The following ZFAT variants were observed in gnomAD, a reference collection of about 807,000 sequenced individuals.
ZFAT encodes the protein zinc finger and AT-hook domain containing.
Under a neutral mutation model 117.7 loss-of-function variants are expected in ZFAT, and 64 were observed. That is an observed-to-expected ratio of 0.54 (90% confidence interval 0.44 to 0.67). The LOEUF (loss-of-function observed/expected upper bound fraction) is 0.67, where lower values mean the gene tolerates loss of function less well. Among genes scored for constraint, ZFAT ranks in the 30% least tolerant of loss-of-function variants. The pLI is 0.00. For missense variants in ZFAT, 1,433 were observed against 1,584.5 expected (o/e 0.90, Z 1.62); for synonymous variants, 679 against 615.0 (o/e 1.10, Z -1.54).
chr8:134,825,864 C>CA, the ZFAT span, among the ~76,000 whole-genome samples: 1 of 151,882 alleles, frequency 6.6e-6, no homozygotes, highest in East Asian at 1.9e-4. Flanking sequence ...ACTAAAAATA[C>CA]AAAAAAATTA....
Position 134,644,953 on chromosome 8 carries a change from T to C in ZFAT, c.197-7241A>G, listed in dbSNP as rs1830795859. On this transcript the variant is annotated intron_variant, in intron 2 of 15. Transcript: ENST00000377838. ...CCCATATACACACATACCTGTGTAC[T>C]CACAAACACACCCATACACATACAC... 2.0e-5 allele frequency among the ~76,000 whole-genome samples: 3 copies of C among 151,964 alleles called. No homozygotes were observed. In the South Asian group the frequency reaches 6.2e-4, roughly 32 times the overall value.
At chr8:134,817,394 TACACACACACACAC>T in the ZFAT span, among the ~76,000 whole-genome samples, 10 of 126,072 alleles carry the variant, frequency 7.9e-5, no homozygotes, top group African/African-American at 1.2e-4. Flanking sequence ...TCTCTCTCTC[TACACACACACACAC>T]ACACACACAC....
At chr8:134,509,475 T>C in intron 15 of ZFAT, 144 bp downstream of exon 15, 1 of 1,084,018 alleles carries the variant, frequency 9.2e-7, no homozygotes, top group South Asian at 1.6e-5. Flanking sequence ...AGATCAGAGG[T>C]AGAATAAGAA....
chr8:134,562,159 A>C lies in ZFAT; in HGVS notation c.2976+3174T>G, dbSNP rs1417615113. ...AGAGATGCCATATTTCTGGCCATGA[A>C]GATGAAGGGAGTGGCCATGAGCCAA... On this transcript the variant is annotated intron_variant, in intron 11 of 15. Transcript: ENST00000377838. Among the ~76,000 whole-genome samples, 2 of 152,184 alleles carry C rather than the reference A, an allele frequency of 1.3e-5. 1 individual carries two copies. The highest frequency in any genetic ancestry group is 4.1e-4 in the South Asian group (2 of 4,824).
intron 15 of ZFAT, among the ~76,000 whole-genome samples, chr8:134,483,749 C>A (rs113153784): frequency 6.6e-6 from 1 of 152,200 alleles, no homozygotes; most frequent in Non-Finnish European, 1.5e-5. Context: ...TCTGCTGTTC[C>A]GCTGTCTCCA....
chr8:134,774,343 G>A, the ZFAT span, among the ~76,000 whole-genome samples: 5 of 152,096 alleles, frequency 3.3e-5, no homozygotes, highest in South Asian at 2.1e-4. Context: ...AAATGGTATC[G>A]AGTGGCATCC....
chr8:134,605,439 G>A (rs893409868), intron 5 of ZFAT, among the ~76,000 whole-genome samples: 12 of 151,946 alleles, frequency 7.9e-5, no homozygotes, highest in South Asian at 4.2e-4. Flanking sequence ...CCAGCTACTC[G>A]GGAGGCTGAG....
At chr8:134,705,379 T>G (rs1586974849) in intron 1 of ZFAT, among the ~76,000 whole-genome samples, 1 of 148,226 alleles carries the variant, frequency 6.7e-6, no homozygotes, top group Non-Finnish European at 1.5e-5. Context: ...TTTTTTTTGT[T>G]TTTTTTTTTT....
At chr8:134,662,419 G>A (rs1169334517) in intron 1 of ZFAT, among the ~76,000 whole-genome samples, 1 of 152,144 alleles carries the variant, frequency 6.6e-6, no homozygotes. Context: ...GGTTGCTCCT[G>A]AAAAATGCAG....
chr8:134,514,141 C>T (rs1301030339), intron 13 of ZFAT, among the ~76,000 whole-genome samples: 1 of 152,206 alleles, frequency 6.6e-6, no homozygotes, highest in African/African-American at 2.4e-5. Context: ...CTTGTTACTC[C>T]ACTGGTGACC....
chr8:134,692,963 C>A (rs984743417), intron 1 of ZFAT, among the ~76,000 whole-genome samples: 1 of 152,318 alleles, frequency 6.6e-6, no homozygotes, highest in East Asian at 1.9e-4. Flanking sequence ...GGATAGAATA[C>A]ACTGTGCTGT....
At chr8:134,497,664 G>C (rs570538813) in intron 15 of ZFAT, among the ~76,000 whole-genome samples, 1 of 57,744 alleles carries the variant, frequency 1.7e-5, no homozygotes, top group Non-Finnish European at 3.4e-5. Context: ...GCCTGATTTG[G>C]TAGGGTTGGG....
intron 3 of ZFAT, among the ~76,000 whole-genome samples, chr8:134,619,275 A>G (rs1458851691): frequency 1.3e-5 from 2 of 151,920 alleles, no homozygotes; most frequent in African/African-American, 4.8e-5. Context: ...TTATAGTAAT[A>G]AAAAATAGAA....
rs1298069094 is a variant in ZFAT at position 134,520,935 on chromosome 8, T to C, written c.3182A>G (p.Lys1061Arg). The C allele has an allele frequency of 1.9e-6, 3 of 1,613,978 alleles. No homozygotes were observed. The highest frequency in any genetic ancestry group is 1.1e-5 in the South Asian group (1 of 91,080). ...CACCACCTTCAAGCCATGTTTGTTC[T>C]TCAAGTGCCTATTGAACTCCCATTT... is the stretch of plus-strand genomic sequence containing the variant. ...GTKWEFNRHL[K>R]NKHGLKVVEI... is the part of the protein sequence containing the mutation. The change falls in exon 13 of 16, where the codon AAG becomes AGG. Residue 1061 changes from lysine (K) to arginine (R), a missense_variant. Coordinates refer to ENST00000377838, the MANE Select transcript of ZFAT (RefSeq NM_020863.4).
At chr8:134,529,622 C>A (rs1821267918) in intron 12 of ZFAT, among the ~76,000 whole-genome samples, 2 of 152,164 alleles carry the variant, frequency 1.3e-5, no homozygotes, top group African/African-American at 4.8e-5. Flanking sequence ...CAGACAGGCC[C>A]TGGTGGCAGA....
chr8:134,659,352 G>A (rs1013331318), intron 1 of ZFAT, among the ~76,000 whole-genome samples: 5 of 152,202 alleles, frequency 3.3e-5, no homozygotes, highest in African/African-American at 1.2e-4. Flanking sequence ...GACACAAGGT[G>A]TGCGGGTGAG....
the ZFAT span, among the ~76,000 whole-genome samples, chr8:134,734,442 C>T: frequency 8.9e-4 from 135 of 152,362 alleles, no homozygotes; most frequent in African/African-American, 3.1e-3. Context: ...TTTCAGCTCA[C>T]ATATATCACA....
chr8:134,791,045 C>T, the ZFAT span, among the ~76,000 whole-genome samples: 3 of 152,176 alleles, frequency 2.0e-5, no homozygotes, highest in Non-Finnish European at 2.9e-5. Flanking sequence ...TATGCCAATT[C>T]TTTCCCCTAA....
intron 2 of ZFAT, among the ~76,000 whole-genome samples, chr8:134,650,685 C>T (rs541371463): frequency 6.6e-6 from 1 of 152,252 alleles, no homozygotes; most frequent in African/African-American, 2.4e-5. Context: ...ATCTAAACAG[C>T]ATACTACTGA....
Sources: gnomAD v4.1 joint callset for allele counts (sites outside exome capture counted in the v4.1 genomes callset) on GRCh38, gnomAD v4.1.1 for gene constraint, MANE v1.5 for transcripts, NCBI Gene and HGNC (gene_info 2026-07-23, HGNC 2026-07-21) for gene names.